The following HMGXB3 variants were observed in gnomAD, a reference collection of about 807,000 sequenced individuals.
HMGXB3 encodes the protein HMG-box containing 3.
In HMGXB3, 45 loss-of-function variants were observed where a neutral mutation model predicts 121.5. The observed-to-expected ratio is 0.37, with a 90% CI of 0.29 to 0.47. The LOEUF (loss-of-function observed/expected upper bound fraction) is 0.47, where lower values mean the gene tolerates loss of function less well. HMGXB3 is among the 20% of genes least tolerant of loss of function. The pLI is 0.99. For missense variants in HMGXB3, 1,376 were observed against 1,602.2 expected, an observed-to-expected ratio of 0.86 and a Z score of 2.41; for synonymous variants, 590 against 624.1, an observed-to-expected ratio of 0.95 and a Z score of 0.81.
chr5:150,044,025 C>T (rs997808857), intron 15 of HMGXB3, among the ~76,000 whole-genome samples: 1 of 152,200 alleles, frequency 6.6e-6, no homozygotes, highest in East Asian at 1.9e-4. Context: ...GCCTGGCACC[C>T]GTCCTGTCCC....
chr5:150,048,187 A>G (rs531759669), intron 17 of HMGXB3, among the ~76,000 whole-genome samples: 4 of 152,354 alleles, frequency 2.6e-5, no homozygotes, highest in East Asian at 1.9e-4. Flanking sequence ...GTATGTGTCT[A>G]TGTGTTTTAT....
rs1013513213 is a variant in HMGXB3 at position 150,048,517 on chromosome 5, G to A, written c.3085-52G>A. The A allele has an allele frequency of 2.1e-5, 25 of 1,197,164 alleles. 2 individuals carry two copies. In the East Asian group the frequency reaches 2.3e-4, roughly 11 times the overall value. The allele number at this position is 1,197,164 out of a possible 1,614,324, so 74.2% of individuals were successfully genotyped here. ...GAGTGTGTGATGCTGAGCACCAGCC[G>A]TGGTCCCTTAGCATTCGCCCTTATG... On this transcript the variant is annotated intron_variant, in intron 17 of 19. Transcript: ENST00000502717.
intron 11 of HMGXB3, among the ~76,000 whole-genome samples, chr5:150,033,058 A>G (rs1190749477): frequency 2.0e-5 from 3 of 152,190 alleles, no homozygotes; most frequent in African/African-American, 7.2e-5. Flanking sequence ...CTTTATTTCT[A>G]GCAGTCTAGG....
chr5:150,047,794 T>C (rs762266148), intron 17 of HMGXB3, 37 bp downstream of exon 17: 1 of 1,550,244 alleles, frequency 6.5e-7, no homozygotes, highest in Non-Finnish European at 8.7e-7. Context: ...TCGGGGCTTC[T>C]GGAGTAGGCT....
At chr5:150,033,641 T>G (rs1016274746) in intron 11 of HMGXB3, among the ~76,000 whole-genome samples, 1 of 152,054 alleles carries the variant, frequency 6.6e-6, no homozygotes, top group Non-Finnish European at 1.5e-5. Flanking sequence ...TCTTGTCAGT[T>G]TGTTCTTTAG....
At chr5:150,049,143 C>CA in intron 18 of HMGXB3, among the ~76,000 whole-genome samples, 1 of 152,138 alleles carries the variant, frequency 6.6e-6, no homozygotes, top group Non-Finnish European at 1.5e-5. Context: ...AGGAGTGTCA[C>CA]AGCCAAGGGA....
At chr5:150,040,358 T>C (rs1002657223) in intron 13 of HMGXB3, among the ~76,000 whole-genome samples, 1 of 152,092 alleles carries the variant, frequency 6.6e-6, no homozygotes, top group African/African-American at 2.4e-5. Context: ...TTGATGGGCA[T>C]TTAGTTGTGG....
At position 150,052,332 on chromosome 5, in the gene HMGXB3, C is replaced by T; in HGVS notation, c.*140C>T. 1.5e-6 allele frequency: 1 copy of T among 685,710 alleles called. No individual in the cohort carries two copies. The highest frequency in any genetic ancestry group is 1.9e-5 in the South Asian group (1 of 51,510). 42.5% of individuals were successfully genotyped at this position (685,710 alleles called of 1,614,324 possible). The stretch of plus-strand genomic sequence containing the variant: ...CTGCTGGGACTGACCAAAGAGCTTC[C>T]ATTCCCTGAGCATGGTGGGACCCAG... On this transcript the variant is annotated 3_prime_UTR_variant, in exon 20 of 20. Transcript: ENST00000502717.
intron 11 of HMGXB3, among the ~76,000 whole-genome samples, chr5:150,033,292 G>A (rs6890944): frequency 0.048 from 7,254 of 152,248 alleles, 597 homozygotes; most frequent in African/African-American, 0.17. Context: ...AATGTCACTG[G>A]TCTGCCTTGG....
Position 150,024,630 on chromosome 5 carries a change from C to T in HMGXB3, c.1410C>T (p.Ser470=), listed in dbSNP as rs61743767. Reference sequence around the variant, plus strand: ...CTGGAGCAGACGTACCAACACCATCCGAGGGGACAAGTACCTCCAGTCCAC... The same window carrying T: ...CTGGAGCAGACGTACCAACACCATCTGAGGGGACAAGTACCTCCAGTCCAC... ...DSPGADVPTP[S]EGTSTSSPLP... is the part of the protein sequence containing the mutation. Residue 470 remains serine, a synonymous_variant, in exon 7 of 20, where the codon TCC becomes TCT. Coordinates refer to ENST00000502717, the MANE Select transcript of HMGXB3 (RefSeq NM_014983.3). The T allele has an allele frequency of 8.2e-4, 1,265 of 1,551,610 alleles. 6 individuals are homozygous for T. In the African/African-American group the frequency reaches 0.015, roughly 19 times the overall value.
Position 150,051,979 on chromosome 5 carries a change from C to T in HMGXB3, c.3666C>T (p.Phe1222=), listed in dbSNP as rs746842753. ...GTGTCCGCCAGCGGCCCATTGCCTT[C>T]GACAATGCCACTCACTATTACCTCT... ...PNGVRQRPIA[F]DNATHYYLYN... Residue 1222 remains phenylalanine, a synonymous_variant, in exon 20 of 20, where the codon TTC becomes TTT. Coordinates refer to ENST00000502717, the MANE Select transcript of HMGXB3 (RefSeq NM_014983.3). 186 of 1,552,164 alleles carry T rather than the reference C, an allele frequency of 1.2e-4. No individual in the cohort carries two copies. The highest frequency in any genetic ancestry group is 1.4e-4 in the Non-Finnish European group (164 of 1,147,132).
chr5:150,045,443 CCTT>C lies in HMGXB3; in HGVS notation c.2731-19_2731-17del, dbSNP rs1271566560. ...ATGTTCTGTGACTCCCACAGTTTGACCTTCTTTATCCTGACCTTCTAGTTCACC... is the reference window on the plus strand; with the variant it reads ...ATGTTCTGTGACTCCCACAGTTTGACCTTTATCCTGACCTTCTAGTTCACC... On this transcript the variant is annotated intron_variant, in intron 15 of 19. Coordinates refer to ENST00000502717, the MANE Select transcript of HMGXB3 (RefSeq NM_014983.3). 9 of 1,534,362 alleles carry C rather than the reference CCTT, an allele frequency of 5.9e-6. 1 individual carries two copies. In the South Asian group the frequency reaches 7.2e-5, roughly 12 times the overall value.
chr5:150,035,069 T>C (rs549905767), intron 11 of HMGXB3, among the ~76,000 whole-genome samples: 1 of 152,350 alleles, frequency 6.6e-6, no homozygotes, highest in South Asian at 2.1e-4. Flanking sequence ...GAGAGAAAGA[T>C]AACCAAGCTA....
chr5:150,015,567 G>T (rs1293087729), intron 5 of HMGXB3, among the ~76,000 whole-genome samples: 2 of 152,166 alleles, frequency 1.3e-5, no homozygotes, highest in Non-Finnish European at 2.9e-5. Context: ...GGAATTACAG[G>T]CGTGAGCCAC....
At chr5:150,047,521 T>C in intron 16 of HMGXB3, 103 bp from the exon 17 acceptor site, 3 of 1,373,502 alleles carry the variant, frequency 2.2e-6, no homozygotes, top group Non-Finnish European at 3.0e-6. Context: ...GGGGGAGGGC[T>C]TGGTGCAGAG....
At chr5:150,012,048 A>G (rs370935454) in intron 4 of HMGXB3, among the ~76,000 whole-genome samples, 20 of 152,394 alleles carry the variant, frequency 1.3e-4, no homozygotes, top group Non-Finnish European at 2.6e-4. Flanking sequence ...CATCTATAAA[A>G]TAAACATAGC....
chr5:150,025,979 T>C (rs1320444922), intron 7 of HMGXB3, among the ~76,000 whole-genome samples: 6 of 152,014 alleles, frequency 3.9e-5, no homozygotes, highest in East Asian at 3.9e-4. Context: ...TGCAGGCACC[T>C]GCCACCACGC....
At chr5:150,028,559 A>ATT (rs55858256) in intron 9 of HMGXB3, among the ~76,000 whole-genome samples, 15 of 38,898 alleles carry the variant, frequency 3.9e-4, no homozygotes, top group South Asian at 8.3e-4. Context: ...ATATATATAT[A>ATT]TTTTTTTTTT....
chr5:150,009,034 T>G (rs1399855451), intron 3 of HMGXB3, among the ~76,000 whole-genome samples: 1 of 152,232 alleles, frequency 6.6e-6, no homozygotes, highest in East Asian at 1.9e-4. Flanking sequence ...AAGATACTTC[T>G]GAAATTTTTT....
Sources: gnomAD v4.1 joint callset for allele counts (sites outside exome capture counted in the v4.1 genomes callset) on GRCh38, gnomAD v4.1.1 for gene constraint, MANE v1.5 for transcripts, NCBI Gene and HGNC (gene_info 2026-07-23, HGNC 2026-07-21) for gene names.